PPM1H: variants seen among roughly 807,000 people sequenced by gnomAD.
The protein encoded by PPM1H is protein phosphatase 1H.
PPM1H carries 27 observed loss-of-function variants against 54.9 expected under a neutral mutation model. The ratio of observed to expected loss-of-function variants is 0.49; its 90% CI spans 0.36 to 0.68. The LOEUF (loss-of-function observed/expected upper bound fraction) is 0.68. PPM1H is among the 30% of genes least tolerant of loss of function. The pLI is 0.00. For missense variants in PPM1H, 596 were observed against 667.8 expected (o/e 0.89, Z 1.19); for synonymous variants, 305 against 270.8 (o/e 1.13, Z -1.24).
chr12:62,653,426 C>G, intron 9 of PPM1H, among the ~76,000 whole-genome samples: 1 of 152,186 alleles, frequency 6.6e-6, no homozygotes, highest in East Asian at 1.9e-4. Context: ...TAGTGAATTA[C>G]TTTGTTTCAA....
intron 4 of PPM1H, chr12:62,755,242 A>C (rs1308520349): frequency 1.4e-6 from 1 of 719,518 alleles, no homozygotes; most frequent in African/African-American, 1.7e-5. Flanking sequence ...GGTGAAGATC[A>C]AAGTCAATGG....
chr12:62,730,548 T>G (rs1157556070), intron 5 of PPM1H, among the ~76,000 whole-genome samples: 1 of 152,188 alleles, frequency 6.6e-6, no homozygotes, highest in East Asian at 1.9e-4. Context: ...AAAACTAGAA[T>G]CCTCTACCTA....
At chr12:62,813,888 A>C (rs956364223) in intron 2 of PPM1H, among the ~76,000 whole-genome samples, 1 of 152,002 alleles carries the variant, frequency 6.6e-6, no homozygotes, top group African/African-American at 2.4e-5. Context: ...CTGGCATACA[A>C]TTAACACTGT....
chr12:62,793,878 C>G (rs1461173481), intron 3 of PPM1H, among the ~76,000 whole-genome samples: 2 of 152,066 alleles, frequency 1.3e-5, no homozygotes. Context: ...GATGCAACTC[C>G]AAGGTCATTC....
chr12:62,730,887 C>T (rs2076317293), intron 5 of PPM1H, among the ~76,000 whole-genome samples: 1 of 152,118 alleles, frequency 6.6e-6, no homozygotes, highest in Non-Finnish European at 1.5e-5. Flanking sequence ...AGGCTGGCTG[C>T]CTGATTTACA....
chr12:62,863,681 C>T (rs956975075), intron 1 of PPM1H, among the ~76,000 whole-genome samples: 1 of 152,106 alleles, frequency 6.6e-6, no homozygotes, highest in African/African-American at 2.4e-5. Context: ...TTGCTATTGT[C>T]TTACACCGTA....
intron 1 of PPM1H, among the ~76,000 whole-genome samples, chr12:62,903,420 G>A (rs1159522107): frequency 3.9e-5 from 6 of 152,102 alleles, no homozygotes; most frequent in South Asian, 2.1e-4. Context: ...ACTTCCACCC[G>A]CGATGCAATC....
Position 62,802,148 on chromosome 12 carries a change from C to T in PPM1H, c.424G>A (p.Val142Ile). ...AACAGCGACCAATAGTGGCAGGAAACACCCTCGGATTCCTGTGGGAGAGGA... is the reference window on the plus strand; with the variant it reads ...AACAGCGACCAATAGTGGCAGGAAATACCCTCGGATTCCTGTGGGAGAGGA... ...QLKENSESEGVSCHYWSLFDG... is the reference protein window; with the variant it reads ...QLKENSESEGISCHYWSLFDG... The change falls in exon 3 of 10, where the codon GTT (valine) becomes ATT (isoleucine). Residue 142 changes from valine (V) to isoleucine (I), a missense_variant. Around this residue, in one of 3 missense-constraint regions of PPM1H, gnomAD observed 382 missense variants for 387.1 expected, o/e 0.99. Coordinates refer to ENST00000228705, the MANE Select transcript of PPM1H (RefSeq NM_020700.2). The T allele has an allele frequency of 6.4e-7, 1 of 1,569,550 alleles. No individual in the cohort carries two copies. Among genetic ancestry groups the T allele is most frequent in the Non-Finnish European group, 8.7e-7 (1 of 1,155,478 alleles).
rs10556503 is a variant in PPM1H at position 62,688,428 on chromosome 12, T to TAA, written c.1245+1269_1245+1270dup. Among the ~76,000 whole-genome samples, 681 of 149,094 alleles carry TAA rather than the reference T, an allele frequency of 4.6e-3. 3 individuals are homozygous for TAA. Among genetic ancestry groups the TAA allele is most frequent in the East Asian group, 0.026 (134 of 5,124 alleles). On this transcript the variant is annotated intron_variant, in intron 8 of 9. Transcript: ENST00000228705. Reference sequence around the variant, plus strand: ...ACTCTTAGGCTGTTGCAAAAGTAATTAAAAAAAAAAAATGGCAAAAACTGT... The same window carrying TAA: ...ACTCTTAGGCTGTTGCAAAAGTAATTAAAAAAAAAAAAAATGGCAAAAACTGT...
intron 1 of PPM1H, among the ~76,000 whole-genome samples, chr12:62,933,458 A>G (rs1048889755): frequency 1.3e-5 from 2 of 152,070 alleles, no homozygotes; most frequent in African/African-American, 4.8e-5. Flanking sequence ...CCGTGCACGG[A>G]TAGGGGAGGG....
chr12:62,694,442 G>A (rs1467592393), intron 6 of PPM1H, among the ~76,000 whole-genome samples: 1 of 152,200 alleles, frequency 6.6e-6, no homozygotes, highest in Non-Finnish European at 1.5e-5. Context: ...GATGGCTAGG[G>A]AAGAAATCTT....
At chr12:62,796,626 G>T (rs1318536592) in intron 3 of PPM1H, among the ~76,000 whole-genome samples, 1 of 152,184 alleles carries the variant, frequency 6.6e-6, no homozygotes, top group Non-Finnish European at 1.5e-5. Flanking sequence ...CTACCCAGAA[G>T]CTCACTGAGC....
intron 5 of PPM1H, among the ~76,000 whole-genome samples, chr12:62,728,718 C>T (rs977845755): frequency 1.4e-4 from 21 of 152,092 alleles, no homozygotes; most frequent in African/African-American, 4.6e-4. Flanking sequence ...GGGAGAGTTT[C>T]GAGCACCTCA....
At chr12:62,932,164 C>G (rs1392859497) in intron 1 of PPM1H, among the ~76,000 whole-genome samples, 1 of 149,672 alleles carries the variant, frequency 6.7e-6, no homozygotes, top group African/African-American at 2.5e-5. Context: ...AAATTTGTAA[C>G]ATTTTACAGT....
intron 1 of PPM1H, among the ~76,000 whole-genome samples, chr12:62,919,612 T>A (rs1871730379): frequency 6.6e-6 from 1 of 152,214 alleles, no homozygotes; most frequent in Non-Finnish European, 1.5e-5. Flanking sequence ...AATTTAATGC[T>A]TATTTAATAC....
At chr12:62,655,014 A>G (rs1037947886) in intron 9 of PPM1H, among the ~76,000 whole-genome samples, 4 of 152,198 alleles carry the variant, frequency 2.6e-5, no homozygotes, top group African/African-American at 7.2e-5. Flanking sequence ...GTGTGCGTGG[A>G]CAACTGAGCC....
At chr12:62,726,909 T>TA (rs995691974) in intron 5 of PPM1H, among the ~76,000 whole-genome samples, 3 of 152,110 alleles carry the variant, frequency 2.0e-5, no homozygotes, top group African/African-American at 7.2e-5. Context: ...AGTTTGCTAA[T>TA]AATTTACTGA....
chr12:62,916,536 C>T (rs1003760000), intron 1 of PPM1H, among the ~76,000 whole-genome samples: 2 of 151,934 alleles, frequency 1.3e-5, no homozygotes, highest in African/African-American at 4.8e-5. Flanking sequence ...ACTGGCTTTA[C>T]TGATGAGGTA....
intron 2 of PPM1H, among the ~76,000 whole-genome samples, chr12:62,815,606 A>T (rs1453462091): frequency 2.6e-5 from 4 of 152,236 alleles, no homozygotes; most frequent in Non-Finnish European, 5.9e-5. Flanking sequence ...ATCCACTATT[A>T]GAAACAACAA....
Sources: gnomAD v4.1 joint callset for allele counts (sites outside exome capture counted in the v4.1 genomes callset) on GRCh38, gnomAD v4.1.1 for gene constraint, gnomAD v4.1.1 regional missense constraint, MANE v1.5 for transcripts, NCBI Gene and HGNC (gene_info 2026-07-23, HGNC 2026-07-21) for gene names.